The following TMEM260 variants were observed in gnomAD, a reference collection of about 807,000 sequenced individuals.
The protein encoded by TMEM260 is protein O-mannosyl-transferase TMEM260.
TMEM260 carries 82 observed loss-of-function variants against 88.9 expected under a neutral mutation model. The observed-to-expected ratio is 0.92, with a 90% CI of 0.77 to 1.11. The LOEUF (loss-of-function observed/expected upper bound fraction) is 1.11, where lower values mean the gene tolerates loss of function less well. TMEM260 is among the 50% of genes least tolerant of loss of function. TMEM260 has a pLI of 0.00. For synonymous variants in TMEM260, 314 were observed against 309.3 expected (o/e 1.02, Z -0.16); for missense variants, 902 against 853.4 (o/e 1.06, Z -0.71).
chr14:56,594,603 G>T (rs1382299476), intron 3 of TMEM260, among the ~76,000 whole-genome samples: 2 of 152,048 alleles, frequency 1.3e-5, no homozygotes, highest in African/African-American at 4.8e-5. Context: ...AGATGACAAT[G>T]GTTTGTCTGT....
At chr14:56,593,706 GA>G (rs1886020138) in intron 3 of TMEM260, among the ~76,000 whole-genome samples, 1 of 13,314 alleles carries the variant, frequency 7.5e-5, no homozygotes, top group Non-Finnish European at 1.7e-4. Context: ...TTTTTTTTTT[GA>G]GACTGAGTCT....
intron 1 of TMEM260, among the ~76,000 whole-genome samples, chr14:56,582,704 A>G (rs1386307781): frequency 1.3e-5 from 2 of 152,172 alleles, no homozygotes; most frequent in Non-Finnish European, 2.9e-5. Context: ...TGATGCAGGT[A>G]GACACAACTG....
intron 1 of TMEM260, among the ~76,000 whole-genome samples, chr14:56,583,528 C>G (rs570361702): frequency 2.2e-4 from 33 of 151,674 alleles, no homozygotes; most frequent in Non-Finnish European, 4.4e-4. Context: ...CTGGCACGAT[C>G]GTGAAATGGA....
At chr14:56,612,987 C>T (rs1341624330) in intron 7 of TMEM260, 1 of 152,070 alleles carries the variant, frequency 6.6e-6, no homozygotes, top group Non-Finnish European at 1.5e-5. Flanking sequence ...GCTATCCTTG[C>T]CGTAAGCTCT....
intron 3 of TMEM260, among the ~76,000 whole-genome samples, chr14:56,587,819 A>G (rs940598491): frequency 7.2e-5 from 11 of 152,074 alleles, no homozygotes; most frequent in Admixed American, 5.2e-4. Context: ...TTGTCAAACA[A>G]TAGACACCCT....
At chr14:56,618,898 GT>G in intron 10 of TMEM260, 135 bp downstream of exon 10, 1 of 837,594 alleles carries the variant, frequency 1.2e-6, no homozygotes, top group Non-Finnish European at 1.8e-6. Context: ...GAATGCAGTA[GT>G]TCTTTAACTT....
intron 15 of TMEM260, among the ~76,000 whole-genome samples, chr14:56,646,217 A>G (rs1441806521): frequency 6.6e-6 from 1 of 152,252 alleles, no homozygotes; most frequent in Non-Finnish European, 1.5e-5. Flanking sequence ...ATATTTCATG[A>G]GGGTGCTATT....
chr14:56,607,708 G>A (rs956452015), intron 5 of TMEM260, among the ~76,000 whole-genome samples: 4 of 151,980 alleles, frequency 2.6e-5, no homozygotes, highest in Non-Finnish European at 5.9e-5. Context: ...GGACGTGTGT[G>A]TGTGTATATA....
the TMEM260 span, among the ~76,000 whole-genome samples, chr14:56,659,242 T>C: frequency 6.8e-6 from 1 of 147,212 alleles, no homozygotes; most frequent in East Asian, 2.0e-4. Context: ...TAAAAGAGGG[T>C]TTTTGTTTTT....
At chr14:56,623,497 A>G (rs1172056704) in intron 11 of TMEM260, among the ~76,000 whole-genome samples, 1 of 152,136 alleles carries the variant, frequency 6.6e-6, no homozygotes, top group Non-Finnish European at 1.5e-5. Flanking sequence ...ACTCACACCT[A>G]AACTGCTTAT....
chr14:56,598,423 T>A (rs1433196644), intron 3 of TMEM260, among the ~76,000 whole-genome samples: 1 of 152,096 alleles, frequency 6.6e-6, no homozygotes, highest in Non-Finnish European at 1.5e-5. Context: ...ACTAGAAGGC[T>A]GCAATGAGAA....
intron 1 of TMEM260, among the ~76,000 whole-genome samples, chr14:56,581,230 A>C (rs540450094): frequency 4.0e-4 from 61 of 152,348 alleles, no homozygotes; most frequent in Middle Eastern, 3.4e-3. Flanking sequence ...GAACTTCGTC[A>C]GTAAACCCAA....
chr14:56,650,892 C>G (rs1890194160), downstream of TMEM260, among the ~76,000 whole-genome samples: 1 of 152,048 alleles, frequency 6.6e-6, no homozygotes. Flanking sequence ...AAAATAGAAT[C>G]CTGTTACTCC....
chr14:56,581,838 A>G (rs1388507109), intron 1 of TMEM260, among the ~76,000 whole-genome samples: 1 of 152,234 alleles, frequency 6.6e-6, no homozygotes, highest in African/African-American at 2.4e-5. Context: ...TTTCGTCAAA[A>G]CATTTCATGA....
chr14:56,643,268 C>T (rs761968178), intron 15 of TMEM260, among the ~76,000 whole-genome samples: 2 of 152,198 alleles, frequency 1.3e-5, no homozygotes, highest in Non-Finnish European at 2.9e-5. Context: ...CAATAAAATA[C>T]TGGCAAACCG....
chr14:56,617,054 C>T (rs940956166), intron 8 of TMEM260, 129 bp from the exon 9 acceptor site: 18 of 494,590 alleles, frequency 3.6e-5, no homozygotes, highest in South Asian at 1.1e-4. Context: ...TTTTAAAAAC[C>T]GAAATCTCTC....
In TMEM260 at chr14:56,647,614, A is replaced by G. The variant is rs990308818; in HGVS notation, c.*117A>G. 2 of 1,160,984 alleles carry G rather than the reference A, an allele frequency of 1.7e-6. No homozygotes were observed. Among genetic ancestry groups the G allele is most frequent in the Non-Finnish European group, 2.4e-6 (2 of 847,362 alleles). 71.9% of individuals were successfully genotyped at this position (1,160,984 alleles called of 1,614,324 possible). ...AATTTAAAACTAAGTCATCTCCCAG[A>G]TATAAGTATCATGGTCCAGCAGTAC... On this transcript the variant is annotated 3_prime_UTR_variant, in exon 16 of 16. Coordinates refer to ENST00000261556, the MANE Select transcript of TMEM260 (RefSeq NM_017799.4).
chr14:56,649,009 A>G lies in TMEM260; in HGVS notation c.*1512A>G, dbSNP rs1197655611. On this transcript the variant is annotated 3_prime_UTR_variant, in exon 16 of 16. Transcript: ENST00000261556. ...GGGGCTTTGTTGGTTTTGGCATCAC[A>G]CAGGGGAAGCTCTTGCCCCTCCATT... 6.5e-6 allele frequency: 1 copy of G among 152,686 alleles called. No homozygotes were observed. The highest frequency in any genetic ancestry group is 1.5e-5 in the Non-Finnish European group (1 of 68,074). The allele number at this position is 152,686 out of a possible 1,614,324, so 9.5% of individuals were successfully genotyped here.
chr14:56,624,868 A>C (rs1208521464), intron 11 of TMEM260, among the ~76,000 whole-genome samples: 1 of 146,520 alleles, frequency 6.8e-6, no homozygotes, highest in Non-Finnish European at 1.5e-5. Context: ...CAGTATTTCC[A>C]CAGACTGGGG....
Sources: allele counts gnomAD v4.1 joint callset (sites outside exome capture counted in the v4.1 genomes callset), GRCh38; gene constraint gnomAD v4.1.1; transcripts MANE v1.5; gene names NCBI Gene and HGNC (gene_info 2026-07-23, HGNC 2026-07-21).